Variants in CAPG observed in about 807,000 individuals in gnomAD.
CAPG encodes the protein macrophage-capping protein.
In CAPG, 32 loss-of-function variants were observed where a neutral mutation model predicts 44.6. That is an observed-to-expected ratio of 0.72 (90% CI 0.54 to 0.96). CAPG has a LOEUF of 0.96. Among genes scored for constraint, CAPG ranks in the 50% least tolerant of loss-of-function variants. The probability of loss-of-function intolerance (pLI) is 0.00; values close to 1 mark genes in which losing one functional copy is unlikely to be tolerated. For synonymous variants in CAPG, 175 were observed against 179.6 expected (o/e 0.97, Z 0.20); for missense variants, 412 against 438.3 (o/e 0.94, Z 0.54).
At chr2:85,415,946 A>G (rs188981863) in intron 1 of CAPG, among the ~76,000 whole-genome samples, 1 of 151,968 alleles carries the variant, frequency 6.6e-6, no homozygotes, top group South Asian at 2.1e-4. Flanking sequence ...TGAACTCCTG[A>G]GCTCAAGTGA....
intron 1 of CAPG, among the ~76,000 whole-genome samples, chr2:85,416,184 G>A (rs1172870769): frequency 6.6e-6 from 1 of 152,226 alleles, no homozygotes; most frequent in African/African-American, 2.4e-5. Flanking sequence ...AAGGTCTGGG[G>A]ATGTCCAGGA....
rs1333202264 is a variant in CAPG at position 85,395,966 on chromosome 2, C to G, written c.893-340G>C. 1 of 268,494 alleles carries G rather than the reference C, an allele frequency of 3.7e-6. No individual in the cohort carries two copies. The highest frequency in any genetic ancestry group is 7.2e-6 in the Non-Finnish European group (1 of 139,812). 16.6% of individuals were successfully genotyped at this position (268,494 alleles called of 1,614,324 possible). ...GTGAGGCCGCAGGTCTCCTTTTCCT[C>G]TAGGACCCCTCACCTCTTGAATTCA... On this transcript the variant is annotated intron_variant, in intron 8 of 9. Coordinates refer to ENST00000263867, the MANE Select transcript of CAPG (RefSeq NM_001747.4). This position sits in a 1 kb window ranked among gnomAD's most constrained non-coding sequence, Gnocchi z 4.3.
chr2:85,400,825 G>A (rs143860422), intron 5 of CAPG, among the ~76,000 whole-genome samples: 13 of 152,254 alleles, frequency 8.5e-5, no homozygotes, highest in African/African-American at 2.6e-4. Flanking sequence ...TCCCCAGAGC[G>A]AGCTTTTATG....
intron 5 of CAPG, among the ~76,000 whole-genome samples, 198 bp from the exon 6 acceptor site, chr2:85,399,483 G>A (rs75048601): frequency 0.085 from 12,897 of 152,212 alleles, 585 homozygotes; most frequent in South Asian, 0.16. Flanking sequence ...CTGCCCACCT[G>A]CCATCTGTCT....
At chr2:85,408,159 A>G (rs1332020650) in intron 1 of CAPG, among the ~76,000 whole-genome samples, 1 of 152,102 alleles carries the variant, frequency 6.6e-6, no homozygotes, top group African/African-American at 2.4e-5. Context: ...CCTGGCCAAC[A>G]TGGTGAAACT....
In CAPG at chr2:85,401,655, C is replaced by A. The variant is rs767325894; in HGVS notation, c.225G>T (p.Gly75=). 5 of 1,614,184 alleles carry A rather than the reference C, an allele frequency of 3.1e-6. No homozygotes were observed. The South Asian group carries it at 5.5e-5, about 18-fold the overall frequency. ...GGTGCACAGCCAGCACGGCACAGGC[C>A]CCCTGCTCATCCCGGGATGACTGCT... ...IGQQSSRDEQ[G]ACAVLAVHLN... is the part of the protein sequence containing the mutation. Residue 75 remains glycine, a synonymous_variant, in exon 4 of 10, where the codon GGG becomes GGT. Coordinates refer to ENST00000263867, the MANE Select transcript of CAPG (RefSeq NM_001747.4).
chr2:85,412,828 G>C (rs1373779178), upstream of CAPG, among the ~76,000 whole-genome samples: 3 of 152,200 alleles, frequency 2.0e-5, no homozygotes, highest in African/African-American at 7.2e-5. Flanking sequence ...CTTACTAGCT[G>C]TGCAAGTGAC....
chr2:85,411,710 G>A (rs1265767844), upstream of CAPG, among the ~76,000 whole-genome samples: 1 of 152,202 alleles, frequency 6.6e-6, no homozygotes, highest in African/African-American at 2.4e-5. Flanking sequence ...TTCCTAATTA[G>A]CAGACCTTCA....
At chr2:85,415,657 A>C (rs1024565803) in intron 1 of CAPG, among the ~76,000 whole-genome samples, 2 of 152,092 alleles carry the variant, frequency 1.3e-5, no homozygotes, top group African/African-American at 4.8e-5. Flanking sequence ...GCACTCAAAA[A>C]AATTTTTACT....
Position 85,399,215 on chromosome 2 carries a change from G to A in CAPG, c.587C>T (p.Ala196Val), listed in dbSNP as rs373962055. The A allele has an allele frequency of 2.5e-5, 41 of 1,614,170 alleles. No individual in the cohort carries two copies. In the Admixed American group the frequency reaches 3.2e-4, roughly 12 times the overall value. ...ERNKARDLAL[A>V]IRDSERQGKA... ...GCCCTGTCGCTCACTGTCCCGGATG[G>A]CCAGGGCCAGGTCCCTCGCCTTGTT... Residue 196 changes from alanine (A) to valine (V), a missense_variant, in exon 6 of 10, where the codon GCC becomes GTC. Transcript: ENST00000263867.
intron 7 of CAPG, 110 bp downstream of exon 7, chr2:85,398,580 G>C (rs1312725669): frequency 1.1e-6 from 1 of 905,106 alleles, no homozygotes; most frequent in South Asian, 1.5e-5. Context: ...CTCGGTTCCA[G>C]CCCCACCTTC....
chr2:85,395,524 G>A lies in CAPG; in HGVS notation c.981+14C>T. The A allele has an allele frequency of 6.2e-7, 1 of 1,608,372 alleles. No individual in the cohort carries two copies. The highest frequency in any genetic ancestry group is 1.3e-5 in the African/African-American group (1 of 74,944). On this transcript the variant is annotated intron_variant, in intron 9 of 9. Coordinates refer to ENST00000263867, the MANE Select transcript of CAPG (RefSeq NM_001747.4). The surrounding 1 kb of genome is among the most constrained non-coding windows in gnomAD (Gnocchi z 4.3). ...GCCCTAGGAAGAGGGCTGTGGTTGT[G>A]CGCATCTCCTCACCTGAGTGTTCGG...
chr2:85,402,150 T>A lies in CAPG; in HGVS notation c.-5A>T. 6.2e-7 allele frequency: 1 copy of A among 1,601,094 alleles called. No individual in the cohort carries two copies. Among genetic ancestry groups the A allele is most frequent in the Non-Finnish European group, 8.5e-7 (1 of 1,172,740 alleles). On this transcript the variant is annotated 5_prime_UTR_variant, in exon 2 of 10. Coordinates refer to ENST00000263867, the MANE Select transcript of CAPG (RefSeq NM_001747.4). ...CTGGGGAATGGCTGTGTACATGCTG[T>A]CTTCAGATCTGGAAAGAAAGAAGAA...
At chr2:85,406,457 C>G (rs1687159213) in intron 1 of CAPG, among the ~76,000 whole-genome samples, 1 of 152,134 alleles carries the variant, frequency 6.6e-6, no homozygotes, top group East Asian at 1.9e-4. Flanking sequence ...AACCCCCTAC[C>G]CTTGATATCT....
rs1686524766 is a variant in CAPG at position 85,395,101 on chromosome 2, C to T, written c.982-143G>A. On this transcript the variant is annotated intron_variant, in intron 9 of 9. Coordinates refer to ENST00000263867, the MANE Select transcript of CAPG (RefSeq NM_001747.4). The surrounding 1 kb of genome is among the most constrained non-coding windows in gnomAD (Gnocchi z 4.3). The stretch of plus-strand genomic sequence containing the variant: ...TGTGCAGTCCAGGCTGGGAAAGCTC[C>T]CCTGGATGAGCCATGAGATGAGAAC... 4.4e-6 allele frequency: 3 copies of T among 675,626 alleles called. No homozygotes were observed. Among genetic ancestry groups the T allele is most frequent in the South Asian group, 3.3e-5 (2 of 61,260 alleles). The allele number at this position is 675,626 out of a possible 1,614,324, so 41.9% of individuals were successfully genotyped here.
Position 85,401,834 on chromosome 2 carries a change from T to A in CAPG, c.147A>T (p.Leu49=). The A allele has an allele frequency of 6.2e-7, 1 of 1,613,850 alleles. No homozygotes were observed. The highest frequency in any genetic ancestry group is 1.1e-5 in the South Asian group (1 of 91,074). The change falls in exon 3 of 10, where the codon CTA becomes CTT. Residue 49 remains leucine, a synonymous_variant. Coordinates refer to ENST00000263867, the MANE Select transcript of CAPG (RefSeq NM_001747.4). ...QGVFFSGDSY[L]VLHNGPEEVS... The stretch of plus-strand genomic sequence containing the variant: ...CCTCTTCTGGGCCATTGTGCAGCAC[T>A]AGGTAGGAGTCCCCCGAGAAGAAGA...
intron 6 of CAPG, 92 bp downstream of exon 6, chr2:85,399,044 C>A: frequency 1.4e-6 from 2 of 1,431,424 alleles, no homozygotes; most frequent in Non-Finnish European, 9.7e-7. Flanking sequence ...CTGCCACCCT[C>A]CACCGGCCAC....
chr2:85,411,916 G>C (rs546755965), upstream of CAPG, among the ~76,000 whole-genome samples: 1 of 151,822 alleles, frequency 6.6e-6, no homozygotes, highest in African/African-American at 2.4e-5. Context: ...ACAAAAATTA[G>C]CCGGGCATGG....
chr2:85,398,906 G>T, intron 6 of CAPG, 124 bp from the exon 7 acceptor site: 1 of 844,560 alleles, frequency 1.2e-6, no homozygotes, highest in Non-Finnish European at 1.8e-6. Flanking sequence ...ACCCAGCAGA[G>T]GTGAGGTGAG....
Sources: allele counts gnomAD v4.1 joint callset (sites outside exome capture counted in the v4.1 genomes callset), GRCh38; gene constraint gnomAD v4.1.1; non-coding constraint Gnocchi (gnomAD v3.1); transcripts MANE v1.5; gene names NCBI Gene and HGNC (gene_info 2026-07-23, HGNC 2026-07-21).